Variants in RILPL2 observed in about 807,000 individuals in gnomAD.
The protein encoded by RILPL2 is Rab interacting lysosomal protein like 2.
A neutral mutation model predicts 22.2 loss-of-function variants in RILPL2; 19 were observed. The observed-to-expected ratio is 0.86, with a 90% CI of 0.60 to 1.25. RILPL2 has a LOEUF of 1.25. Ranked by LOEUF, RILPL2 falls within the 50% of genes most tolerant of loss-of-function variation. The pLI is 0.00. For missense variants in RILPL2, 243 were observed against 263.6 expected, an observed-to-expected ratio of 0.92 and a Z score of 0.54; for synonymous variants, 123 against 111.6, an observed-to-expected ratio of 1.10 and a Z score of -0.64.
At position 123,429,530 on chromosome 12, in the gene RILPL2, C is replaced by T. The variant is rs372014507; in HGVS notation, c.491+978G>A. Among the ~76,000 whole-genome samples, 26 of 151,898 alleles carry T rather than the reference C, an allele frequency of 1.7e-4. No homozygotes were observed. In the South Asian group the frequency reaches 3.1e-3, roughly 18 times the overall value. On this transcript the variant is annotated intron_variant, in intron 2 of 3. Coordinates refer to ENST00000280571, the MANE Select transcript of RILPL2 (RefSeq NM_145058.3). Reference sequence around the variant, plus strand: ...CAGGCTGGTCTCGAACTCCTGACCTCGTGATCTGCCCGCCTCGGCCTCCCA... The same window carrying T: ...CAGGCTGGTCTCGAACTCCTGACCTTGTGATCTGCCCGCCTCGGCCTCCCA...
In RILPL2 at chr12:123,436,162, C is replaced by G; in HGVS notation, c.259G>C (p.Glu87Gln). Residue 87 changes from glutamate (E) to glutamine (Q), a missense_variant, in exon 1 of 4, where the codon GAG (glutamate) becomes CAG (glutamine). Glu to Gln is a conservative substitution (Grantham distance 29). Transcript: ENST00000280571. The surrounding 1 kb of genome is among the most constrained non-coding windows in gnomAD (Gnocchi z 6.7). Reference protein sequence around the residue: ...ALVNEGSLALEELKMERDHLR... With the variant: ...ALVNEGSLALQELKMERDHLR... ...TGGTCCCTCTCCATCTTCAGCTCCT[C>G]CAGCGCCAGGCTGCCCTCATTCACC... is the stretch of plus-strand genomic sequence containing the variant. 6.2e-7 allele frequency: 1 copy of G among 1,608,262 alleles called. No individual in the cohort carries two copies. The highest frequency in any genetic ancestry group is 8.5e-7 in the Non-Finnish European group (1 of 1,177,712).
Position 123,436,406 on chromosome 12 carries a change from A to G in RILPL2, c.15T>C (p.Pro5=), listed in dbSNP as rs146955829. Reference sequence around the variant, plus strand: ...CCTCCTCCTCTTCCTCTTCTCGCACAGGGGGCTCCTCCATGGCCACCCAGA... The same window carrying G: ...CCTCCTCCTCTTCCTCTTCTCGCACGGGGGGCTCCTCCATGGCCACCCAGA... MEEP[P]VREEEEEEGE... The change falls in exon 1 of 4, where the codon CCT becomes CCC. Residue 5 remains proline, a synonymous_variant. Coordinates refer to ENST00000280571, the MANE Select transcript of RILPL2 (RefSeq NM_145058.3). This position sits in a 1 kb window ranked among gnomAD's most constrained non-coding sequence, Gnocchi z 6.7. The G allele has an allele frequency of 1.3e-6, 2 of 1,548,832 alleles. No homozygotes were observed. The highest frequency in any genetic ancestry group is 1.7e-6 in the Non-Finnish European group (2 of 1,146,976).
intron 1 of RILPL2, among the ~76,000 whole-genome samples, chr12:123,432,154 C>T (rs981428651): frequency 6.6e-5 from 10 of 152,098 alleles, no homozygotes; most frequent in Non-Finnish European, 1.5e-4. Context: ...ACCTCGGCCT[C>T]CCAAAGTGCT....
Position 123,430,208 on chromosome 12 carries a change from G to T in RILPL2, c.491+300C>A, listed in dbSNP as rs552502137. ...GCAGATCAGGAGGTCAGGAGATCGA[G>T]ACCATTCTGCCTAACACGGTGAAAC... On this transcript the variant is annotated intron_variant, in intron 2 of 3. Coordinates refer to ENST00000280571, the MANE Select transcript of RILPL2 (RefSeq NM_145058.3). Among the ~76,000 whole-genome samples the T allele has an allele frequency of 2.8e-4, 41 of 148,468 alleles. No homozygotes were observed. In the South Asian group the frequency reaches 5.6e-3, roughly 20 times the overall value.
chr12:123,420,271 C>T (rs1437106384), intron 3 of RILPL2, among the ~76,000 whole-genome samples: 1 of 151,804 alleles, frequency 6.6e-6, no homozygotes, highest in Non-Finnish European at 1.5e-5. Context: ...GTGATCCTCC[C>T]GCCTCGGCCT....
At chr12:123,416,057 G>A (rs1022224161) in intron 3 of RILPL2, 136 bp from the exon 4 acceptor site, 17 of 869,232 alleles carry the variant, frequency 2.0e-5, no homozygotes, top group African/African-American at 1.2e-4. Flanking sequence ...TGTGGCTCAC[G>A]CCTGTAATCC....
chr12:123,430,416 C>G, intron 2 of RILPL2, 92 bp downstream of exon 2: 1 of 1,360,954 alleles, frequency 7.3e-7, no homozygotes, highest in Non-Finnish European at 9.8e-7. Context: ...CTCAAAAAAA[C>G]AAAAACAAAA....
chr12:123,425,126 G>A (rs541071335), intron 2 of RILPL2, among the ~76,000 whole-genome samples: 27 of 151,796 alleles, frequency 1.8e-4, no homozygotes, highest in African/African-American at 5.8e-4. Context: ...TGATCCGCCC[G>A]CCTCTGCCTC....
chr12:123,422,200 A>C (rs1879303717), intron 3 of RILPL2, among the ~76,000 whole-genome samples: 2 of 148,296 alleles, frequency 1.3e-5, no homozygotes, highest in African/African-American at 4.9e-5. Context: ...CTCAGCTAAA[A>C]GGCCGACAAA....
Position 123,430,679 on chromosome 12 carries a change from C to CCTG in RILPL2, c.340-21_340-20insCAG. The CCTG allele has an allele frequency of 6.4e-7, 1 of 1,552,534 alleles. No individual in the cohort carries two copies. On this transcript the variant is annotated intron_variant, in intron 1 of 3. Transcript: ENST00000280571. ...GTTCACCTGGAAGAAAAGACGCAAC[C>CCTG]TTTGCAAGCAACTCTATATAATTAA...
chr12:123,410,113 C>T (rs1272691584), downstream of RILPL2, among the ~76,000 whole-genome samples: 2 of 152,168 alleles, frequency 1.3e-5, no homozygotes, highest in Non-Finnish European at 2.9e-5. Flanking sequence ...TCCCAAAATG[C>T]TGGGATTATA....
chr12:123,436,337 C>G lies in RILPL2; in HGVS notation c.84G>C (p.Ala28=). The G allele has an allele frequency of 1.3e-6, 2 of 1,568,326 alleles. No homozygotes were observed. Among genetic ancestry groups the G allele is most frequent in the Non-Finnish European group, 1.7e-6 (2 of 1,156,784 alleles). The change falls in exon 1 of 4, where the codon GCG becomes GCC. Residue 28 remains alanine, a synonymous_variant. Transcript: ENST00000280571. The surrounding 1 kb of genome is among the most constrained non-coding windows in gnomAD (Gnocchi z 6.7). The part of the protein sequence containing the change: ...EERDEVGPEG[A]LGKSPFQLTA... ...TCAGCTGGAAGGGGCTCTTGCCCAG[C>G]GCCCCCTCGGGCCCAACCTCGTCCC...
chr12:123,436,346 G>T lies in RILPL2; in HGVS notation c.75C>A (p.Pro25=), dbSNP rs747591872. 3 of 1,562,798 alleles carry T rather than the reference G, an allele frequency of 1.9e-6. No homozygotes were observed. Among genetic ancestry groups the T allele is most frequent in the African/African-American group, 1.4e-5 (1 of 73,606 alleles). The stretch of plus-strand genomic sequence containing the variant: ...AGGGGCTCTTGCCCAGCGCCCCCTC[G>T]GGCCCAACCTCGTCCCTCTCCTCGT... ...EEDEERDEVG[P]EGALGKSPFQ... is the part of the protein sequence containing the mutation. Residue 25 remains proline (P), a synonymous_variant, in exon 1 of 4, where the codon CCC becomes CCA. Coordinates refer to ENST00000280571, the MANE Select transcript of RILPL2 (RefSeq NM_145058.3). The surrounding 1 kb of genome is among the most constrained non-coding windows in gnomAD (Gnocchi z 6.7).
chr12:123,426,732 G>C (rs1380370103), intron 2 of RILPL2, among the ~76,000 whole-genome samples: 1 of 151,746 alleles, frequency 6.6e-6, no homozygotes, highest in South Asian at 2.1e-4. Context: ...CTCCCGAGTA[G>C]CTGGGACTAC....
chr12:123,428,292 A>G (rs564784626), intron 2 of RILPL2, among the ~76,000 whole-genome samples: 22 of 152,152 alleles, frequency 1.4e-4, no homozygotes, highest in Admixed American at 3.9e-4. Flanking sequence ...GCCCGCCACC[A>G]CGCCTGGCTA....
Position 123,436,126 on chromosome 12 carries a change from C to A in RILPL2, c.295G>T (p.Glu99Ter). Reference protein sequence around the residue: ...LKMERDHLRKEVEGLRRQSPP... With the variant: ...LKMERDHLRK The stretch of plus-strand genomic sequence containing the variant: ...CTCTGTCTCCGCAGCCCCTCCACCT[C>A]CTTCCTGAGGTGGTCCCTCTCCATC... The change falls in exon 1 of 4, where the codon GAG becomes TAG. Residue 99 changes from glutamate (E) to a stop codon, truncating the protein, a stop_gained. Coordinates refer to ENST00000280571, the MANE Select transcript of RILPL2 (RefSeq NM_145058.3). LOFTEE classifies it high-confidence loss of function. This position sits in a 1 kb window ranked among gnomAD's most constrained non-coding sequence, Gnocchi z 6.7. 1 of 1,594,484 alleles carries A rather than the reference C, an allele frequency of 6.3e-7. No individual in the cohort carries two copies. The highest frequency in any genetic ancestry group is 8.5e-7 in the Non-Finnish European group (1 of 1,171,128).
chr12:123,428,174 C>T (rs1879495715), intron 2 of RILPL2, among the ~76,000 whole-genome samples: 1 of 151,974 alleles, frequency 6.6e-6, no homozygotes, highest in Non-Finnish European at 1.5e-5. Flanking sequence ...TCTCGCTCTT[C>T]CGCCCAGGCT....
intron 2 of RILPL2, among the ~76,000 whole-genome samples, chr12:123,428,281 C>T (rs1183266027): frequency 5.9e-5 from 9 of 152,210 alleles, no homozygotes; most frequent in Non-Finnish European, 8.8e-5. Context: ...GGACTACAGG[C>T]GCCCGCCACC....
At chr12:123,423,538 A>T (rs1879348324) in intron 2 of RILPL2, among the ~76,000 whole-genome samples, 1 of 151,768 alleles carries the variant, frequency 6.6e-6, no homozygotes, top group African/African-American at 2.4e-5. Context: ...CTCTGAAAAT[A>T]AAGGGTCTTA....
Sources: gnomAD v4.1 joint callset for allele counts (sites outside exome capture counted in the v4.1 genomes callset) on GRCh38, gnomAD v4.1.1 for gene constraint, Gnocchi (gnomAD v3.1) non-coding constraint, MANE v1.5 for transcripts, NCBI Gene and HGNC (gene_info 2026-07-23, HGNC 2026-07-21) for gene names.